The following AFF3 variants were observed in gnomAD, a reference collection of about 807,000 sequenced individuals.
AFF3 encodes ALF transcription elongation factor 3, also known as AF4/FMR2 family member 3.
Under a neutral mutation model 129.7 loss-of-function variants are expected in AFF3, and 32 were observed. The ratio of observed to expected loss-of-function variants is 0.25; its 90% CI spans 0.19 to 0.33. AFF3 has a LOEUF of 0.33. Among genes scored for constraint, AFF3 ranks in the 10% least tolerant of loss-of-function variants. The pLI is 1.00. For missense variants in AFF3, 1,373 were observed against 1,592.0 expected, an observed-to-expected ratio of 0.86 and a Z score of 2.34; for synonymous variants, 644 against 635.4, an observed-to-expected ratio of 1.01 and a Z score of -0.20.
At chr2:99,790,635 T>C (rs553285935) in intron 8 of AFF3, among the ~76,000 whole-genome samples, 1 of 152,318 alleles carries the variant, frequency 6.6e-6, no homozygotes, top group South Asian at 2.1e-4. Flanking sequence ...TGGGTGCTAC[T>C]GGCATCAAGT....
chr2:99,783,189 C>T (rs571097618), intron 8 of AFF3, among the ~76,000 whole-genome samples: 1 of 152,208 alleles, frequency 6.6e-6, no homozygotes, highest in Non-Finnish European at 1.5e-5. Flanking sequence ...AAAGCTTTTG[C>T]TCTATCCCAA....
At chr2:99,886,837 T>C (rs977002295) in intron 7 of AFF3, among the ~76,000 whole-genome samples, 1 of 152,252 alleles carries the variant, frequency 6.6e-6, no homozygotes, top group Non-Finnish European at 1.5e-5. Context: ...TTTTACCATA[T>C]GTATTTAGGA....
intron 4 of AFF3, among the ~76,000 whole-genome samples, chr2:100,024,927 AAGAATT>A (rs1683915687): frequency 6.6e-6 from 1 of 152,092 alleles, no homozygotes. Context: ...AGGAGTGGGG[AAGAATT>A]TATATTCTTC....
chr2:99,815,705 GTTTTT>G (rs112496330), intron 8 of AFF3, among the ~76,000 whole-genome samples: 1 of 142,108 alleles, frequency 7.0e-6, no homozygotes, highest in African/African-American at 2.6e-5. Flanking sequence ...TGGGTTGAGA[GTTTTT>G]TTTTTTTTTC....
At chr2:99,854,026 T>G (rs1690339772) in intron 7 of AFF3, among the ~76,000 whole-genome samples, 1 of 152,190 alleles carries the variant, frequency 6.6e-6, no homozygotes, top group South Asian at 2.1e-4. Context: ...ATAAAAATAT[T>G]ACATCAAATG....
chr2:100,034,741 C>T (rs1684774062), intron 4 of AFF3, among the ~76,000 whole-genome samples: 1 of 152,114 alleles, frequency 6.6e-6, no homozygotes, highest in South Asian at 2.1e-4. Context: ...GAAAGGTCTA[C>T]ATGGAATACC....
intron 13 of AFF3, among the ~76,000 whole-genome samples, chr2:99,640,985 G>C (rs1360242533): frequency 1.3e-5 from 2 of 152,178 alleles, no homozygotes; most frequent in Non-Finnish European, 2.9e-5. Context: ...CAGCTGTCTA[G>C]AGCTGGCTTC....
rs112917623 is a variant in AFF3 at position 99,631,312 on chromosome 2, C to A, written c.1184+18314G>T. Reference sequence around the variant, plus strand: ...AGACAATGTCCTTTAAATTTGTCCCCATCTGCCTATCAAGAGATTACCCAT... The same window carrying A: ...AGACAATGTCCTTTAAATTTGTCCCAATCTGCCTATCAAGAGATTACCCAT... On this transcript the variant is annotated intron_variant, in intron 13 of 24. Coordinates refer to ENST00000672756, the MANE Select transcript of AFF3 (RefSeq NM_001386135.1). Among the ~76,000 whole-genome samples the A allele has an allele frequency of 9.2e-3, 1,394 of 152,306 alleles. 26 individuals carry two copies. Among genetic ancestry groups the A allele is most frequent in the African/African-American group, 0.031 (1,281 of 41,542 alleles).
chr2:99,749,249 T>C (rs1054451882), intron 9 of AFF3, among the ~76,000 whole-genome samples: 4 of 152,178 alleles, frequency 2.6e-5, no homozygotes, highest in Non-Finnish European at 4.4e-5. Context: ...AAACATCAAG[T>C]TGTTTACCTT....
chr2:99,795,837 C>G (rs534546191), intron 8 of AFF3, among the ~76,000 whole-genome samples: 12 of 152,190 alleles, frequency 7.9e-5, no homozygotes, highest in Admixed American at 5.9e-4. Context: ...ATTTGGCTTG[C>G]ACCTCATGCT....
rs150310373 is a variant in AFF3 at position 99,632,250 on chromosome 2, G to A, written c.1184+17376C>T. Among the ~76,000 whole-genome samples the A allele has an allele frequency of 2.9e-3, 443 of 152,096 alleles. 10 individuals are homozygous for A. The East Asian group carries it at 0.072, about 25-fold the overall frequency. On this transcript the variant is annotated intron_variant, in intron 13 of 24. Coordinates refer to ENST00000672756, the MANE Select transcript of AFF3 (RefSeq NM_001386135.1). ...GGCTGGTCTTGAACTCCTGGCCTCAGGTGATCTGCCCGCTTCGGCCTCCCA... is the reference window on the plus strand; with the variant it reads ...GGCTGGTCTTGAACTCCTGGCCTCAAGTGATCTGCCCGCTTCGGCCTCCCA...
At chr2:99,614,189 G>A (rs1488730802) in intron 13 of AFF3, among the ~76,000 whole-genome samples, 1 of 152,192 alleles carries the variant, frequency 6.6e-6, no homozygotes, top group African/African-American at 2.4e-5. Context: ...ATGCACCACT[G>A]TGATATCCCA....
At chr2:100,075,995 AGTGTTAAATCTGGTTT>A (rs1335017264) in intron 4 of AFF3, among the ~76,000 whole-genome samples, 9 of 152,156 alleles carry the variant, frequency 5.9e-5, no homozygotes, top group South Asian at 2.1e-4. Flanking sequence ...CATTCCAGGT[AGTGTTAAATCTGGTTT>A]GTGGACAGGT....
At chr2:99,722,075 G>T (rs1678940094) in intron 11 of AFF3, among the ~76,000 whole-genome samples, 2 of 151,942 alleles carry the variant, frequency 1.3e-5, no homozygotes, top group African/African-American at 4.8e-5. Context: ...ACATTTTTCA[G>T]TTCCAGAGTT....
intron 7 of AFF3, among the ~76,000 whole-genome samples, chr2:99,959,339 CAAA>C (rs34083581): frequency 7.8e-4 from 52 of 66,966 alleles, no homozygotes; most frequent in East Asian, 2.5e-3. Context: ...AAGAGTCTGC[CAAA>C]AAAAAAAAAA....
intron 4 of AFF3, among the ~76,000 whole-genome samples, chr2:100,030,386 CT>C (rs901585534): frequency 6.6e-6 from 1 of 152,116 alleles, no homozygotes; most frequent in Non-Finnish European, 1.5e-5. Flanking sequence ...TAATGTACAG[CT>C]TTTGGGAAAG....
At chr2:100,058,599 C>A (rs979386946) in intron 4 of AFF3, among the ~76,000 whole-genome samples, 2 of 152,022 alleles carry the variant, frequency 1.3e-5, no homozygotes, top group African/African-American at 4.8e-5. Flanking sequence ...GCCATGTATA[C>A]ACACTGTATA....
rs774471856 is a variant in AFF3, at chr2:100,006,715, A to G, written c.790T>C (p.Tyr264His). 12 of 1,614,084 alleles carry G rather than the reference A, an allele frequency of 7.4e-6. No homozygotes were observed. The highest frequency in any genetic ancestry group is 1.3e-5 in the African/African-American group (1 of 74,922). ...SSETSVHCTSYRGVPASKPEP... is the reference protein window; with the variant it reads ...SSETSVHCTSHRGVPASKPEP... ...GGCTTGCTGGCAGGGACTCCCCTGT[A>G]TGATGTGCAGTGCACGCTGGTTTCC... The change falls in exon 7 of 25, where the codon TAC (tyrosine) becomes CAC (histidine). Residue 264 changes from tyrosine to histidine, a missense_variant. Transcript: ENST00000672756.
intron 7 of AFF3, among the ~76,000 whole-genome samples, chr2:99,872,207 C>CA (rs397871895): frequency 0.032 from 1,940 of 60,990 alleles, 33 homozygotes; most frequent in Non-Finnish European, 0.039. Flanking sequence ...GACTCCATCT[C>CA]AAAAAAAAAA....
Sources: gnomAD v4.1 joint callset for allele counts (sites outside exome capture counted in the v4.1 genomes callset) on GRCh38, gnomAD v4.1.1 for gene constraint, MANE v1.5 for transcripts, NCBI Gene and HGNC (gene_info 2026-07-23, HGNC 2026-07-21) for gene names.